Variants in RAMP3 observed in about 807,000 individuals in gnomAD.
The protein encoded by RAMP3 is receptor activity modifying protein 3, also known as receptor activity-modifying protein 3.
Under a neutral mutation model 13.5 loss-of-function variants are expected in RAMP3, and 14 were observed. The observed-to-expected ratio is 1.04, with a 90% CI of 0.69 to 1.63. The LOEUF is 1.63. Among genes scored for constraint, RAMP3 ranks in the 40% most tolerant of loss-of-function variants. The pLI, the probability that RAMP3 is intolerant of heterozygous loss-of-function variation, is 0.00. For missense variants in RAMP3, 200 were observed against 204.8 expected (o/e 0.98, Z 0.14); for synonymous variants, 106 against 88.3 (o/e 1.20, Z -1.12).
At chr7:45,174,623 G>A (rs1050877143) in intron 1 of RAMP3, among the ~76,000 whole-genome samples, 8 of 152,124 alleles carry the variant, frequency 5.3e-5, no homozygotes, top group African/African-American at 1.4e-4. Context: ...TCCCCTTCCC[G>A]CCACTGACAT....
At position 45,183,438 on chromosome 7, in the gene RAMP3, A is replaced by T. The variant is rs1470938996; in HGVS notation, c.*26A>T. 6.2e-7 allele frequency: 1 copy of T among 1,603,834 alleles called. No homozygotes were observed. The highest frequency in any genetic ancestry group is 8.5e-7 in the Non-Finnish European group (1 of 1,176,138). ...GGGTCCCGGTGAGATGGAGTGGGTC[A>T]CACCTGGCAAGCTGGAAGAAAGTTC... On this transcript the variant is annotated 3_prime_UTR_variant, in exon 3 of 3. Coordinates refer to ENST00000242249, the MANE Select transcript of RAMP3 (RefSeq NM_005856.3).
At chr7:45,162,586 C>T (rs1035875758) in intron 1 of RAMP3, among the ~76,000 whole-genome samples, 3 of 152,158 alleles carry the variant, frequency 2.0e-5, no homozygotes, top group Admixed American at 6.5e-5. Flanking sequence ...AAGCAGCTGA[C>T]CCACCCTGCC....
chr7:45,157,850 C>G lies in RAMP3; in HGVS notation c.22C>G (p.Arg8Gly), dbSNP rs550564964. METGALR[R>G]PQLLPLLLLL... ...AGCCATGGAGACTGGAGCGCTGCGG[C>G]GCCCGCAACTTCTCCCGTTGCTGCT... The change falls in exon 1 of 3, where the codon CGC (arginine) becomes GGC (glycine). Residue 8 changes from arginine to glycine, a missense_variant. Arg to Gly is a moderately radical substitution (Grantham distance 125). Transcript: ENST00000242249. 4.2e-6 allele frequency: 6 copies of G among 1,422,550 alleles called. No homozygotes were observed. In the East Asian group the frequency reaches 1.8e-4, roughly 43 times the overall value. 88.1% of individuals were successfully genotyped at this position (1,422,550 alleles called of 1,614,324 possible). A position where few individuals can be genotyped will look rare whatever the true frequency, so the allele number is the denominator to read the frequency against.
At chr7:45,168,305 G>A (rs1786010634) in intron 1 of RAMP3, among the ~76,000 whole-genome samples, 1 of 149,572 alleles carries the variant, frequency 6.7e-6, no homozygotes, top group Non-Finnish European at 1.5e-5. Context: ...AGGAGGCTGA[G>A]TGAGGCATGA....
At chr7:45,179,362 G>C (rs1786258221) in intron 2 of RAMP3, among the ~76,000 whole-genome samples, 2 of 119,810 alleles carry the variant, frequency 1.7e-5, no homozygotes, top group Admixed American at 1.9e-4. Flanking sequence ...TCCCAGTCAC[G>C]AGTCACTTCC....
intron 1 of RAMP3, among the ~76,000 whole-genome samples, chr7:45,166,340 T>A (rs1211555767): frequency 6.6e-6 from 1 of 152,130 alleles, no homozygotes; most frequent in Non-Finnish European, 1.5e-5. Context: ...TGACTGCCTT[T>A]TTGATGATAG....
At chr7:45,181,028 G>C (rs1293754506) in intron 2 of RAMP3, among the ~76,000 whole-genome samples, 2 of 152,228 alleles carry the variant, frequency 1.3e-5, no homozygotes, top group African/African-American at 4.8e-5. Context: ...CCTAACAGCT[G>C]GGGTGGGCTC....
intron 2 of RAMP3, among the ~76,000 whole-genome samples, chr7:45,180,765 GC>G (rs1584078655): frequency 6.6e-6 from 1 of 152,244 alleles, no homozygotes; most frequent in East Asian, 1.9e-4. Context: ...TGGGGGGTTT[GC>G]CCGGCTTCCA....
Position 45,183,819 on chromosome 7 carries a change from G to A in RAMP3, c.*407G>A. 1 of 461,120 alleles carries A rather than the reference G, an allele frequency of 2.2e-6. No homozygotes were observed. Among genetic ancestry groups the A allele is most frequent in the Non-Finnish European group, 3.8e-6 (1 of 263,378 alleles). The allele number at this position is 461,120 out of a possible 1,614,324, so 28.6% of individuals were successfully genotyped here. A position where few individuals can be genotyped will look rare whatever the true frequency, so the allele number is the denominator to read the frequency against. ...CTGCTTGGACTAGGACTCCTTGCTT[G>A]ACCCCATCTCTGGTTCCTGCCCTGG... is the stretch of plus-strand genomic sequence containing the variant. On this transcript the variant is annotated 3_prime_UTR_variant, in exon 3 of 3. Transcript: ENST00000242249.
At chr7:45,171,775 T>C (rs1046454170) in intron 1 of RAMP3, among the ~76,000 whole-genome samples, 1 of 152,128 alleles carries the variant, frequency 6.6e-6, no homozygotes, top group Non-Finnish European at 1.5e-5. Context: ...CCTGCCTCCA[T>C]TGTTTTTGAC....
intron 1 of RAMP3, among the ~76,000 whole-genome samples, chr7:45,159,872 C>A (rs1286403135): frequency 6.6e-6 from 1 of 152,214 alleles, no homozygotes; most frequent in East Asian, 1.9e-4. Context: ...AAAGATGGAG[C>A]ACCATAGTGT....
intron 1 of RAMP3, among the ~76,000 whole-genome samples, chr7:45,159,215 C>T (rs1483926753): frequency 1.3e-5 from 2 of 152,318 alleles, no homozygotes; most frequent in African/African-American, 4.8e-5. Flanking sequence ...CATGGGTTCA[C>T]GCTCCCTGGC....
chr7:45,170,038 T>C (rs1485150860), intron 1 of RAMP3, among the ~76,000 whole-genome samples: 3 of 152,226 alleles, frequency 2.0e-5, no homozygotes, highest in African/African-American at 7.2e-5. Flanking sequence ...CTAACACAGG[T>C]AGTGATATAG....
chr7:45,177,741 C>A (rs1243641315), intron 2 of RAMP3, among the ~76,000 whole-genome samples: 1 of 152,188 alleles, frequency 6.6e-6, no homozygotes, highest in Non-Finnish European at 1.5e-5. Context: ...GCTCCCCACA[C>A]CCACAGCGGG....
At position 45,172,634 on chromosome 7, in the gene RAMP3, T is replaced by C. The variant is rs188628003; in HGVS notation, c.59-4675T>C. On this transcript the variant is annotated intron_variant, in intron 1 of 2. Transcript: ENST00000242249. ...GGGACCACAGGTGCACGCCTCCTTG[T>C]CTGGCTAATTTTTGTATTTTTAGTA... 7.9e-3 allele frequency among the ~76,000 whole-genome samples: 1,203 copies of C among 152,256 alleles called. 16 individuals are homozygous for C. Among genetic ancestry groups the C allele is most frequent in the South Asian group, 0.038 (185 of 4,822 alleles).
intron 1 of RAMP3, among the ~76,000 whole-genome samples, chr7:45,173,611 T>C (rs1786121028): frequency 6.6e-6 from 1 of 152,206 alleles, no homozygotes; most frequent in Non-Finnish European, 1.5e-5. Flanking sequence ...TACGTCCAAG[T>C]TTCCCAGTGC....
Position 45,157,844 on chromosome 7 carries a change from C to T in RAMP3, c.16C>T (p.Leu6=). The change falls in exon 1 of 3, where the codon CTG becomes TTG. Residue 6 remains leucine (L), a synonymous_variant. Coordinates refer to ENST00000242249, the MANE Select transcript of RAMP3 (RefSeq NM_005856.3). The part of the protein sequence containing the change: METGA[L]RRPQLLPLLL... ...CCGGCCAGCCATGGAGACTGGAGCGCTGCGGCGCCCGCAACTTCTCCCGTT... is the reference window on the plus strand; with the variant it reads ...CCGGCCAGCCATGGAGACTGGAGCGTTGCGGCGCCCGCAACTTCTCCCGTT... 1.4e-6 allele frequency: 2 copies of T among 1,427,424 alleles called. No individual in the cohort carries two copies. Among genetic ancestry groups the T allele is most frequent in the Non-Finnish European group, 1.8e-6 (2 of 1,099,300 alleles). 88.4% of individuals were successfully genotyped at this position (1,427,424 alleles called of 1,614,324 possible). A position where few individuals can be genotyped will look rare whatever the true frequency, so the allele number is the denominator to read the frequency against.
chr7:45,183,464 C>A lies in RAMP3; in HGVS notation c.*52C>A. ...CACCTGGCAAGCTGGAAGAAAGTTCCCTGGGGATGGGAGAGCGGGTGGGTG... is the reference window on the plus strand; with the variant it reads ...CACCTGGCAAGCTGGAAGAAAGTTCACTGGGGATGGGAGAGCGGGTGGGTG... On this transcript the variant is annotated 3_prime_UTR_variant, in exon 3 of 3. Coordinates refer to ENST00000242249, the MANE Select transcript of RAMP3 (RefSeq NM_005856.3). The A allele has an allele frequency of 6.3e-7, 1 of 1,596,204 alleles. No individual in the cohort carries two copies. Among genetic ancestry groups the A allele is most frequent in the Non-Finnish European group, 8.5e-7 (1 of 1,173,728 alleles).
At chr7:45,159,829 C>T (rs970534657) in intron 1 of RAMP3, among the ~76,000 whole-genome samples, 2 of 152,200 alleles carry the variant, frequency 1.3e-5, no homozygotes, top group Admixed American at 1.3e-4. Flanking sequence ...CCAGTGACTG[C>T]ACTGGGCCTC....
Sources: allele counts gnomAD v4.1 joint callset (sites outside exome capture counted in the v4.1 genomes callset), GRCh38; gene constraint gnomAD v4.1.1; transcripts MANE v1.5; gene names NCBI Gene and HGNC (gene_info 2026-07-23, HGNC 2026-07-21).